Variants in ST6GALNAC5 observed in about 807,000 individuals in gnomAD.
The protein encoded by ST6GALNAC5 is ST6 N-acetylgalactosaminide alpha-2,6-sialyltransferase 5.
Under a neutral mutation model 33.6 loss-of-function variants are expected in ST6GALNAC5, and 27 were observed. The observed-to-expected ratio is 0.80, with a 90% CI of 0.59 to 1.11. The LOEUF (loss-of-function observed/expected upper bound fraction) is 1.11, where lower values mean the gene tolerates loss of function less well. Among genes scored for constraint, ST6GALNAC5 ranks in the 50% least tolerant of loss-of-function variants. The probability of loss-of-function intolerance (pLI) is 0.00; values close to 1 mark genes in which losing one functional copy is unlikely to be tolerated. For synonymous variants in ST6GALNAC5, 194 were observed against 171.2 expected (o/e 1.13, Z -1.04); for missense variants, 428 against 454.0 (o/e 0.94, Z 0.52).
intron 2 of ST6GALNAC5, among the ~76,000 whole-genome samples, chr1:76,921,727 CAAT>C (rs1480346306): frequency 2.6e-5 from 4 of 152,078 alleles, no homozygotes; most frequent in Non-Finnish European, 4.4e-5. Context: ...ATTTGAAAGT[CAAT>C]AAATCATTAA....
Position 76,868,446 on chromosome 1 carries a change from C to G in ST6GALNAC5, c.16-51C>G, listed in dbSNP as rs185681233. 111 of 1,561,608 alleles carry G rather than the reference C, an allele frequency of 7.1e-5. No homozygotes were observed. In the African/African-American group the frequency reaches 1.4e-3, roughly 19 times the overall value. ...AGTTGTCCCCGCTGGGCGCGCTCCT[C>G]CGGTGTCTGCGCTCAGCCGCTCTCC... On this transcript the variant is annotated intron_variant, in intron 1 of 4. Transcript: ENST00000477717. The surrounding 1 kb of genome is among the most constrained non-coding windows in gnomAD (Gnocchi z 4.3).
chr1:76,997,978 T>G (rs1649999341), intron 2 of ST6GALNAC5, among the ~76,000 whole-genome samples: 1 of 152,148 alleles, frequency 6.6e-6, no homozygotes, highest in South Asian at 2.1e-4. Context: ...TCTCATGAGA[T>G]CTGATGGTTT....
chr1:76,879,713 T>C (rs1380446832), intron 2 of ST6GALNAC5, among the ~76,000 whole-genome samples: 1 of 152,172 alleles, frequency 6.6e-6, no homozygotes, highest in Non-Finnish European at 1.5e-5. Context: ...GGAAAGGCTA[T>C]GGCAGTGTGG....
In ST6GALNAC5 at chr1:76,929,383, T is replaced by C. The variant is rs544486266; in HGVS notation, c.261+60641T>C. Among the ~76,000 whole-genome samples the C allele has an allele frequency of 2.0e-5, 3 of 152,054 alleles. No individual in the cohort carries two copies. The East Asian group carries it at 5.8e-4, about 30-fold the overall frequency. Reference sequence around the variant, plus strand: ...CCGTGAGACCTGTTACTATAAAACATTAAAAAATAGAAGGGCATTGTGTTG... The same window carrying C: ...CCGTGAGACCTGTTACTATAAAACACTAAAAAATAGAAGGGCATTGTGTTG... On this transcript the variant is annotated intron_variant, in intron 2 of 4. Transcript: ENST00000477717.
At chr1:76,867,791 C>A (rs1653376001) in intron 1 of ST6GALNAC5, 101 bp downstream of exon 1, 4 of 1,548,864 alleles carry the variant, frequency 2.6e-6, no homozygotes, top group Non-Finnish European at 3.6e-6. Flanking sequence ...AACCCTGGGC[C>A]GCGAGGTCGC....
At chr1:76,921,722 A>G (rs974582041) in intron 2 of ST6GALNAC5, among the ~76,000 whole-genome samples, 3 of 152,202 alleles carry the variant, frequency 2.0e-5, no homozygotes, top group African/African-American at 7.2e-5. Flanking sequence ...TCACCATTTG[A>G]AAGTCAATAA....
At chr1:77,008,315 A>C (rs776664526) in intron 2 of ST6GALNAC5, among the ~76,000 whole-genome samples, 13 of 152,122 alleles carry the variant, frequency 8.5e-5, no homozygotes, top group Non-Finnish European at 1.2e-4. Flanking sequence ...GTAGTATTCA[A>C]ATTAGGATCT....
rs1557780743 is a variant in ST6GALNAC5 at position 77,064,897 on chromosome 1, T to C, written c.*1691T>C. 1 of 152,192 alleles carries C rather than the reference T, an allele frequency of 6.6e-6. No homozygotes were observed. Among genetic ancestry groups the C allele is most frequent in the Admixed American group, 6.5e-5 (1 of 15,274 alleles). 9.4% of individuals were successfully genotyped at this position (152,192 alleles called of 1,614,324 possible). Reference sequence around the variant, plus strand: ...TTAATTAGTACACTAACTAGTACTATTAATTACACGGAGTATTGTTGTTAA... The same window carrying C: ...TTAATTAGTACACTAACTAGTACTACTAATTACACGGAGTATTGTTGTTAA... On this transcript the variant is annotated 3_prime_UTR_variant, in exon 5 of 5. Transcript: ENST00000477717.
chr1:76,966,242 G>A (rs551618411), intron 2 of ST6GALNAC5, among the ~76,000 whole-genome samples: 1 of 152,206 alleles, frequency 6.6e-6, no homozygotes, highest in East Asian at 1.9e-4. Flanking sequence ...GAGCATGGAA[G>A]GTTCTTCCAT....
intron 2 of ST6GALNAC5, among the ~76,000 whole-genome samples, chr1:76,911,403 T>C (rs572389935): frequency 7.2e-5 from 11 of 152,278 alleles, no homozygotes; most frequent in Non-Finnish European, 1.6e-4. Flanking sequence ...TCTAAAATTC[T>C]CTTTTTTGGT....
At chr1:77,042,812 T>C (rs1651875484) in intron 2 of ST6GALNAC5, among the ~76,000 whole-genome samples, 1 of 152,114 alleles carries the variant, frequency 6.6e-6, no homozygotes, top group African/African-American at 2.4e-5. Flanking sequence ...TATTCTACCA[T>C]AGTAGAATGA....
intron 2 of ST6GALNAC5, among the ~76,000 whole-genome samples, chr1:76,888,728 A>T (rs1320200456): frequency 6.6e-6 from 1 of 151,806 alleles, no homozygotes; most frequent in Non-Finnish European, 1.5e-5. Context: ...TTTCAATGTC[A>T]TTCTTAAAAT....
chr1:77,006,139 T>TC (rs966707244), intron 2 of ST6GALNAC5, among the ~76,000 whole-genome samples: 35 of 151,850 alleles, frequency 2.3e-4, no homozygotes, highest in Admixed American at 7.2e-4. Flanking sequence ...ATGTGTAGTT[T>TC]TTTTTGTTGT....
At chr1:76,943,755 T>A (rs984348147) in intron 2 of ST6GALNAC5, among the ~76,000 whole-genome samples, 1 of 152,128 alleles carries the variant, frequency 6.6e-6, no homozygotes, top group Admixed American at 6.6e-5. Flanking sequence ...TTAACTGGAA[T>A]CTTTTTTTTT....
intron 2 of ST6GALNAC5, among the ~76,000 whole-genome samples, chr1:76,983,390 A>C (rs571889560): frequency 6.6e-6 from 1 of 152,142 alleles, no homozygotes; most frequent in South Asian, 2.1e-4. Context: ...CAGACTTTAA[A>C]CCAACAAAGA....
At chr1:76,920,480 C>T (rs926163083) in intron 2 of ST6GALNAC5, among the ~76,000 whole-genome samples, 1 of 152,162 alleles carries the variant, frequency 6.6e-6, no homozygotes, top group Non-Finnish European at 1.5e-5. Flanking sequence ...GATATAATGT[C>T]TGACACTAAA....
At chr1:76,927,979 G>T (rs1198569280) in intron 2 of ST6GALNAC5, among the ~76,000 whole-genome samples, 3 of 152,076 alleles carry the variant, frequency 2.0e-5, no homozygotes, top group African/African-American at 7.2e-5. Flanking sequence ...CTAATTTCAG[G>T]TTCAAAATGG....
Position 76,868,346 on chromosome 1 carries a change from C to G in ST6GALNAC5, c.16-151C>G. ...GCGATACGCTAGGGGACGGTGCTTT[C>G]TCTGTCCCAGTTGCGTGCGGCGGGG... On this transcript the variant is annotated intron_variant, in intron 1 of 4. Coordinates refer to ENST00000477717, the MANE Select transcript of ST6GALNAC5 (RefSeq NM_030965.3). This position sits in a 1 kb window ranked among gnomAD's most constrained non-coding sequence, Gnocchi z 4.3. 1.6e-6 allele frequency: 2 copies of G among 1,242,478 alleles called. No homozygotes were observed. Among genetic ancestry groups the G allele is most frequent in the Admixed American group, 3.2e-5 (1 of 31,092 alleles). 77.0% of individuals were successfully genotyped at this position (1,242,478 alleles called of 1,614,324 possible).
At chr1:77,037,942 C>A (rs982066204) in intron 2 of ST6GALNAC5, among the ~76,000 whole-genome samples, 2 of 152,146 alleles carry the variant, frequency 1.3e-5, no homozygotes, top group Non-Finnish European at 2.9e-5. Context: ...GTAGAAGGTG[C>A]ACCATTACTT....
Sources: gnomAD v4.1 joint callset for allele counts (sites outside exome capture counted in the v4.1 genomes callset) on GRCh38, gnomAD v4.1.1 for gene constraint, Gnocchi (gnomAD v3.1) non-coding constraint, MANE v1.5 for transcripts, NCBI Gene and HGNC (gene_info 2026-07-23, HGNC 2026-07-21) for gene names.